The following RPS6KC1 variants were observed in gnomAD, a reference collection of about 807,000 sequenced individuals.
RPS6KC1 encodes inactive ribosomal protein S6 kinase delta-1.
RPS6KC1 carries 54 observed loss-of-function variants against 103.8 expected under a neutral mutation model. The observed-to-expected ratio is 0.52, with a 90% CI of 0.42 to 0.65. RPS6KC1 has a LOEUF of 0.65. RPS6KC1 is among the 30% of genes least tolerant of loss of function. The pLI, the probability that RPS6KC1 is intolerant of heterozygous loss-of-function variation, is 0.00. For synonymous variants in RPS6KC1, 439 were observed against 438.7 expected, an observed-to-expected ratio of 1.00 and a Z score of -0.01; for missense variants, 1,151 against 1,253.8, an observed-to-expected ratio of 0.92 and a Z score of 1.24.
the RPS6KC1 span, among the ~76,000 whole-genome samples, chr1:213,339,530 G>A: frequency 8.5e-5 from 13 of 152,314 alleles, no homozygotes; most frequent in East Asian, 1.7e-3. Context: ...TGGAATAAGC[G>A]ATCATTCGGT....
At chr1:213,854,933 A>T in the RPS6KC1 span, among the ~76,000 whole-genome samples, 2 of 152,190 alleles carry the variant, frequency 1.3e-5, no homozygotes, top group Non-Finnish European at 2.9e-5. Flanking sequence ...ATTTTCTCAC[A>T]GTTCTGGAGG....
chr1:213,567,503 G>C, the RPS6KC1 span, among the ~76,000 whole-genome samples: 1 of 152,106 alleles, frequency 6.6e-6, no homozygotes, highest in Non-Finnish European at 1.5e-5. Flanking sequence ...TTCTCCCTTT[G>C]TTTGGGGTTT....
At chr1:213,556,894 G>A in the RPS6KC1 span, among the ~76,000 whole-genome samples, 1 of 152,174 alleles carries the variant, frequency 6.6e-6, no homozygotes, top group South Asian at 2.1e-4. Flanking sequence ...TTACAGATTT[G>A]TGGAGCCAGT....
chr1:213,589,044 G>A, the RPS6KC1 span, among the ~76,000 whole-genome samples: 1 of 152,172 alleles, frequency 6.6e-6, no homozygotes. Flanking sequence ...GAGAGGCAGT[G>A]GAAGGCCTAA....
chr1:213,491,312 T>C, the RPS6KC1 span, among the ~76,000 whole-genome samples: 1 of 151,324 alleles, frequency 6.6e-6, no homozygotes. Context: ...TTTTGGGAGG[T>C]TGAGGTGGGT....
the RPS6KC1 span, among the ~76,000 whole-genome samples, chr1:213,368,873 T>C: frequency 1.3e-5 from 2 of 152,306 alleles, no homozygotes; most frequent in Admixed American, 6.5e-5. Flanking sequence ...GCTTTGTCGG[T>C]TTTTATGTGC....
At chr1:213,559,314 CT>C in the RPS6KC1 span, among the ~76,000 whole-genome samples, 1 of 152,156 alleles carries the variant, frequency 6.6e-6, no homozygotes, top group Non-Finnish European at 1.5e-5. Flanking sequence ...TTATAGAGCC[CT>C]TTGGAACCAT....
chr1:213,373,509 A>T, the RPS6KC1 span, among the ~76,000 whole-genome samples: 2 of 152,248 alleles, frequency 1.3e-5, no homozygotes, highest in Admixed American at 1.3e-4. Flanking sequence ...AATAAAAAAT[A>T]AAAAATCAGA....
At chr1:213,115,494 C>T (rs1303406761) in intron 4 of RPS6KC1, among the ~76,000 whole-genome samples, 1 of 152,054 alleles carries the variant, frequency 6.6e-6, no homozygotes. Context: ...TTGATCCTTT[C>T]AAAAAACCAG....
the RPS6KC1 span, among the ~76,000 whole-genome samples, chr1:213,524,657 A>T: frequency 6.6e-6 from 1 of 152,056 alleles, no homozygotes; most frequent in Non-Finnish European, 1.5e-5. Context: ...GAATGCTGAG[A>T]CTCAGTCTTC....
the RPS6KC1 span, among the ~76,000 whole-genome samples, chr1:213,626,135 G>A: frequency 4.6e-5 from 7 of 152,200 alleles, no homozygotes; most frequent in African/African-American, 1.7e-4. Flanking sequence ...ACTGGTGTGA[G>A]GTGGTATCTC....
chr1:213,587,557 G>A, the RPS6KC1 span, among the ~76,000 whole-genome samples: 4 of 152,192 alleles, frequency 2.6e-5, no homozygotes, highest in South Asian at 8.3e-4. Context: ...TTTGGATATT[G>A]TAGGCATTGG....
chr1:213,549,867 A>C, the RPS6KC1 span, among the ~76,000 whole-genome samples: 1 of 151,960 alleles, frequency 6.6e-6, no homozygotes, highest in Non-Finnish European at 1.5e-5. Flanking sequence ...AAATACTAAA[A>C]TAGGCCCCAA....
At chr1:213,479,120 A>G in the RPS6KC1 span, among the ~76,000 whole-genome samples, 2 of 152,090 alleles carry the variant, frequency 1.3e-5, no homozygotes, top group African/African-American at 2.4e-5. Flanking sequence ...TCACCTGAAT[A>G]TATCACACTT....
At chr1:213,785,704 G>C in the RPS6KC1 span, among the ~76,000 whole-genome samples, 1 of 152,088 alleles carries the variant, frequency 6.6e-6, no homozygotes, top group Non-Finnish European at 1.5e-5. Flanking sequence ...AAATGAGTTT[G>C]GAGTTATCCA....
chr1:213,229,120 T>C (rs2148846387), intron 8 of RPS6KC1, among the ~76,000 whole-genome samples: 1 of 152,218 alleles, frequency 6.6e-6, no homozygotes, highest in South Asian at 2.1e-4. Flanking sequence ...GGGAAGAGGA[T>C]ATGAGGTACC....
chr1:213,130,016 T>A, intron 6 of RPS6KC1, 127 bp downstream of exon 6: 1 of 909,942 alleles, frequency 1.1e-6, no homozygotes, highest in Non-Finnish European at 1.6e-6. Flanking sequence ...TACTGAAGCT[T>A]AAAAGACCTA....
the RPS6KC1 span, among the ~76,000 whole-genome samples, chr1:213,696,588 G>A: frequency 6.6e-6 from 1 of 151,052 alleles, no homozygotes. Context: ...AAGTTTGAAA[G>A]TGTCCAGTCT....
the RPS6KC1 span, among the ~76,000 whole-genome samples, chr1:213,842,485 A>G: frequency 6.6e-5 from 10 of 152,146 alleles, no homozygotes; most frequent in Admixed American, 6.5e-5. Context: ...TGACTTGTCA[A>G]ATACTTACCT....
Sources: gnomAD v4.1 joint callset for allele counts (sites outside exome capture counted in the v4.1 genomes callset) on GRCh38, gnomAD v4.1.1 for gene constraint, MANE v1.5 for transcripts, NCBI Gene and HGNC (gene_info 2026-07-23, HGNC 2026-07-21) for gene names.